The following TMEM132D variants were observed in gnomAD, a reference collection of about 807,000 sequenced individuals.
TMEM132D encodes the protein transmembrane protein 132D.
TMEM132D carries 21 observed loss-of-function variants against 62.3 expected under a neutral mutation model. That is an observed-to-expected ratio of 0.34 (90% CI 0.24 to 0.49). The LOEUF (loss-of-function observed/expected upper bound fraction) is 0.49. Among genes scored for constraint, TMEM132D ranks in the 20% least tolerant of loss-of-function variants. TMEM132D has a pLI of 0.99. For synonymous variants in TMEM132D, 621 were observed against 575.6 expected (o/e 1.08, Z -1.13); for missense variants, 1,346 against 1,402.8 (o/e 0.96, Z 0.65).
At chr12:129,241,708 TTC>T in intron 4 of TMEM132D, among the ~76,000 whole-genome samples, 1 of 152,362 alleles carries the variant, frequency 6.6e-6, no homozygotes, top group South Asian at 2.1e-4. Context: ...TTATATTTAT[TTC>T]TGTAATTATT....
intron 3 of TMEM132D, among the ~76,000 whole-genome samples, chr12:129,474,278 C>T (rs1874194276): frequency 6.6e-6 from 1 of 152,184 alleles, no homozygotes; most frequent in Non-Finnish European, 1.5e-5. Context: ...TAACACATTA[C>T]ATATTTATCA....
At chr12:129,612,129 C>T (rs1288028857) in intron 2 of TMEM132D, among the ~76,000 whole-genome samples, 1 of 152,198 alleles carries the variant, frequency 6.6e-6, no homozygotes, top group Non-Finnish European at 1.5e-5. Flanking sequence ...CTGGGGAGCA[C>T]ACAGCAGACC....
At chr12:129,340,560 T>C (rs1197571846) in intron 3 of TMEM132D, among the ~76,000 whole-genome samples, 1 of 152,058 alleles carries the variant, frequency 6.6e-6, no homozygotes, top group Non-Finnish European at 1.5e-5. Context: ...ATGCGGTGTT[T>C]GGTTTTTTGT....
At chr12:129,791,071 C>T (rs1040341445) in intron 1 of TMEM132D, among the ~76,000 whole-genome samples, 1 of 152,162 alleles carries the variant, frequency 6.6e-6, no homozygotes, top group Non-Finnish European at 1.5e-5. Context: ...TCATTCTCCA[C>T]TGGAAGTGTT....
intron 4 of TMEM132D, among the ~76,000 whole-genome samples, chr12:129,259,268 T>C (rs1297962878): frequency 6.6e-6 from 1 of 152,162 alleles, no homozygotes; most frequent in Non-Finnish European, 1.5e-5. Context: ...ACGGTGAGTG[T>C]TGGAAGCTCA....
Position 129,160,535 on chromosome 12 carries a change from A to G in TMEM132D, c.1443+48985T>C, listed in dbSNP as rs1372443779. On this transcript the variant is annotated intron_variant, in intron 5 of 8. Transcript: ENST00000422113. ...CCTCTTGCTTAGGAATGAAACTAAC[A>G]TGAAGGAAGCCAGAGACAAGCCATA... 3.9e-5 allele frequency among the ~76,000 whole-genome samples: 6 copies of G among 152,356 alleles called. No homozygotes were observed. The East Asian group carries it at 1.2e-3, about 29-fold the overall frequency.
chr12:129,342,447 T>C (rs1357314490), intron 3 of TMEM132D, among the ~76,000 whole-genome samples: 2 of 151,612 alleles, frequency 1.3e-5, no homozygotes, highest in Admixed American at 1.3e-4. Context: ...AAGACTTACA[T>C]GTTAGACCTA....
At chr12:129,267,769 C>A (rs1880735724) in intron 4 of TMEM132D, among the ~76,000 whole-genome samples, 1 of 152,182 alleles carries the variant, frequency 6.6e-6, no homozygotes, top group Admixed American at 6.5e-5. Context: ...CATCATGCTA[C>A]CTGACTTCAA....
chr12:129,305,514 C>T (rs1296435013), intron 4 of TMEM132D, among the ~76,000 whole-genome samples: 3 of 152,038 alleles, frequency 2.0e-5, no homozygotes, highest in Non-Finnish European at 4.4e-5. Flanking sequence ...CCCCAAAAAC[C>T]CCACATGAAA....
chr12:129,869,801 A>G (rs1343515379), intron 1 of TMEM132D, among the ~76,000 whole-genome samples: 1 of 152,206 alleles, frequency 6.6e-6, no homozygotes, highest in African/African-American at 2.4e-5. Context: ...CCGTTCTGCC[A>G]ATGGGTCATT....
intron 1 of TMEM132D, among the ~76,000 whole-genome samples, chr12:129,756,551 G>A (rs1396295964): frequency 2.0e-5 from 3 of 152,132 alleles, no homozygotes; most frequent in Admixed American, 2.0e-4. Context: ...TATGTTTAAG[G>A]GGTGCAGAGC....
intron 3 of TMEM132D, among the ~76,000 whole-genome samples, chr12:129,483,604 T>G (rs986397150): frequency 2.0e-5 from 3 of 152,210 alleles, no homozygotes; most frequent in African/African-American, 7.2e-5. Flanking sequence ...AATCTGAATA[T>G]TCGGTTAGCT....
intron 3 of TMEM132D, among the ~76,000 whole-genome samples, chr12:129,412,508 T>C (rs1871996662): frequency 1.4e-5 from 1 of 73,812 alleles, no homozygotes; most frequent in Non-Finnish European, 3.1e-5. Context: ...CTGCTATAAG[T>C]GCCACCCCTC....
intron 2 of TMEM132D, among the ~76,000 whole-genome samples, chr12:129,595,653 C>T (rs1166871531): frequency 6.6e-6 from 1 of 152,204 alleles, no homozygotes; most frequent in Admixed American, 6.5e-5. Flanking sequence ...CATCTGTGTT[C>T]CTGCAATTTG....
At chr12:129,223,470 C>T (rs1879401382) in intron 4 of TMEM132D, among the ~76,000 whole-genome samples, 1 of 152,144 alleles carries the variant, frequency 6.6e-6, no homozygotes, top group African/African-American at 2.4e-5. Flanking sequence ...AGAGGCTTTT[C>T]AGAGGACCAC....
chr12:129,210,398 C>G (rs1314118267), intron 4 of TMEM132D: 1 of 152,304 alleles, frequency 6.6e-6, no homozygotes, highest in Non-Finnish European at 1.5e-5. Flanking sequence ...TGGAATGTTG[C>G]TGTGGCTCCA....
intron 2 of TMEM132D, among the ~76,000 whole-genome samples, chr12:129,620,561 T>G (rs752880441): frequency 3.3e-5 from 5 of 152,188 alleles, no homozygotes; most frequent in Non-Finnish European, 5.9e-5. Flanking sequence ...ATTGGGCCAC[T>G]GCACTCCAGC....
At chr12:129,502,648 A>G (rs1328418702) in intron 3 of TMEM132D, among the ~76,000 whole-genome samples, 1 of 152,136 alleles carries the variant, frequency 6.6e-6, no homozygotes, top group East Asian at 1.9e-4. Context: ...TATCAAATTA[A>G]TCTCTAGAAG....
chr12:129,723,228 A>G (rs1408320849), intron 1 of TMEM132D, among the ~76,000 whole-genome samples: 1 of 152,176 alleles, frequency 6.6e-6, no homozygotes, highest in Admixed American at 6.5e-5. Context: ...CTTCCCCGAC[A>G]TTTGCTAATC....
Sources: gnomAD v4.1 joint callset for allele counts (sites outside exome capture counted in the v4.1 genomes callset) on GRCh38, gnomAD v4.1.1 for gene constraint, MANE v1.5 for transcripts, NCBI Gene and HGNC (gene_info 2026-07-23, HGNC 2026-07-21) for gene names.